Variants in TFPI observed in about 807,000 individuals in gnomAD.
The protein encoded by TFPI is anti-convertin.
A neutral mutation model predicts 34.6 loss-of-function variants in TFPI; 15 were observed. The ratio of observed to expected loss-of-function variants is 0.43; its 90% confidence interval spans 0.29 to 0.67. The LOEUF is 0.67. Ranked by LOEUF, TFPI falls within the 30% of genes least tolerant of loss-of-function variation. The pLI is 0.15. For synonymous variants in TFPI, 105 were observed against 120.1 expected, an observed-to-expected ratio of 0.87 and a Z score of 0.82; for missense variants, 301 against 364.0, an observed-to-expected ratio of 0.83 and a Z score of 1.41.
intron 4 of TFPI, among the ~76,000 whole-genome samples, chr2:187,485,465 G>C (rs1317667953): frequency 6.6e-6 from 1 of 151,664 alleles, no homozygotes; most frequent in Non-Finnish European, 1.5e-5. Flanking sequence ...TATTTGAGGG[G>C]TAGGAAGTTT....
At chr2:187,467,714 T>G (rs764144781) in intron 7 of TFPI, 39 bp downstream of exon 7, 1 of 1,489,296 alleles carries the variant, frequency 6.7e-7, no homozygotes, top group Non-Finnish European at 9.0e-7. Context: ...ATTGCTATCT[T>G]AAACACTAGT....
At chr2:187,517,062 G>A (rs1420995369) in intron 1 of TFPI, 1 of 152,208 alleles carries the variant, frequency 6.6e-6, no homozygotes, top group African/African-American at 2.4e-5. Context: ...AGTTTTGTCT[G>A]TGGCTCGTCC....
intron 3 of TFPI, 79 bp downstream of exon 3, chr2:187,496,802 T>C: frequency 7.8e-7 from 1 of 1,275,486 alleles, no homozygotes; most frequent in South Asian, 1.4e-5. Flanking sequence ...AAATTACTTT[T>C]CTCCCTAAAT....
At position 187,530,806 on chromosome 2, in the gene TFPI, A is replaced by G. The variant is rs940291600; in HGVS notation, c.-3+23394T>C. 3.3e-5 allele frequency among the ~76,000 whole-genome samples: 5 copies of G among 152,324 alleles called. No homozygotes were observed. The East Asian group carries it at 9.6e-4, about 29-fold the overall frequency. ...TATTTGTGAAATAAATCTTTTATGAATTAAAAATTCGGTAAAAATTGTTTT... is the reference window on the plus strand; with the variant it reads ...TATTTGTGAAATAAATCTTTTATGAGTTAAAAATTCGGTAAAAATTGTTTT... On this transcript the variant is annotated intron_variant, in intron 1 of 7. Coordinates refer to ENST00000233156, the MANE Select transcript of TFPI (RefSeq NM_006287.6).
At chr2:187,495,036 G>A (rs1685379670) in intron 3 of TFPI, among the ~76,000 whole-genome samples, 1 of 152,234 alleles carries the variant, frequency 6.6e-6, no homozygotes, top group Middle Eastern at 3.4e-3. Context: ...AGTGAATTTT[G>A]ATAGATAATG....
intron 1 of TFPI, among the ~76,000 whole-genome samples, chr2:187,505,318 C>G (rs899255991): frequency 2.6e-5 from 4 of 152,076 alleles, no homozygotes; most frequent in African/African-American, 9.7e-5. Context: ...AAATGGCAGC[C>G]TAGGGTATTG....
chr2:187,553,384 G>A (rs1689161690), intron 1 of TFPI, among the ~76,000 whole-genome samples: 2 of 151,782 alleles, frequency 1.3e-5, no homozygotes, highest in Admixed American at 6.6e-5. Context: ...TTCCCACATG[G>A]TAGTACTCTT....
At chr2:187,474,820 A>G (rs1692269425) in intron 6 of TFPI, among the ~76,000 whole-genome samples, 1 of 152,138 alleles carries the variant, frequency 6.6e-6, no homozygotes, top group Non-Finnish European at 1.5e-5. Flanking sequence ...GGTGGCTTTT[A>G]TTCATTGTGG....
chr2:187,504,790 A>G (rs1202226920), intron 1 of TFPI, among the ~76,000 whole-genome samples: 1 of 152,084 alleles, frequency 6.6e-6, no homozygotes, highest in Non-Finnish European at 1.5e-5. Context: ...AGGGACAGAT[A>G]CTCCATCAAA....
chr2:187,514,068 G>C (rs1053572103), intron 1 of TFPI: 2 of 152,146 alleles, frequency 1.3e-5, no homozygotes, highest in Non-Finnish European at 2.9e-5. Context: ...TGCCATAGTT[G>C]GTCCAACATT....
At chr2:187,510,352 T>C (rs1057143054) in intron 1 of TFPI, among the ~76,000 whole-genome samples, 2 of 152,190 alleles carry the variant, frequency 1.3e-5, no homozygotes, top group Admixed American at 1.3e-4. Context: ...CAATCAAAAT[T>C]AGCTTCAATT....
chr2:187,504,299 CATT>C (rs984035153), intron 1 of TFPI, among the ~76,000 whole-genome samples: 3 of 151,942 alleles, frequency 2.0e-5, no homozygotes, highest in Admixed American at 2.0e-4. Context: ...TTAAAAAATA[CATT>C]ATTTACATCA....
intron 1 of TFPI, chr2:187,515,712 C>T (rs1686956894): frequency 6.6e-6 from 1 of 152,160 alleles, no homozygotes; most frequent in Non-Finnish European, 1.5e-5. Context: ...CGTCAAGTCA[C>T]TGCGGTAGGA....
intron 2 of TFPI, among the ~76,000 whole-genome samples, chr2:187,499,283 C>G (rs1685694112): frequency 6.6e-6 from 1 of 151,882 alleles, no homozygotes; most frequent in East Asian, 1.9e-4. Context: ...ATTAGATACA[C>G]AAGTACTTTT....
At chr2:187,476,982 T>G in intron 6 of TFPI, among the ~76,000 whole-genome samples, 1 of 152,196 alleles carries the variant, frequency 6.6e-6, no homozygotes, top group East Asian at 1.9e-4. Context: ...GAAAGTTATT[T>G]TAAGTAATTT....
intron 1 of TFPI, among the ~76,000 whole-genome samples, chr2:187,525,509 TG>T (rs1255994083): frequency 6.6e-6 from 1 of 151,992 alleles, no homozygotes; most frequent in African/African-American, 2.4e-5. Flanking sequence ...GTTCGTTTAG[TG>T]GTTAAGAAGA....
At position 187,467,736 on chromosome 2, in the gene TFPI, A is replaced by G. The variant is rs778944098; in HGVS notation, c.808+17T>C. ...TCTTAAACACTAGTCAATTAATGGG[A>G]AGAGTATCTTCTATACCTTTTTTAC... is the stretch of plus-strand genomic sequence containing the variant. On this transcript the variant is annotated intron_variant, in intron 7 of 7. Coordinates refer to ENST00000233156, the MANE Select transcript of TFPI (RefSeq NM_006287.6). The G allele has an allele frequency of 1.0e-5, 16 of 1,555,562 alleles. No homozygotes were observed. Among genetic ancestry groups the G allele is most frequent in the Middle Eastern group, 1.7e-4 (1 of 5,804 alleles).
In TFPI at chr2:187,548,781, C is replaced by CAA. The variant is rs200197379; in HGVS notation, c.-3+5418_-3+5419insTT. Among the ~76,000 whole-genome samples the CAA allele has an allele frequency of 9.5e-3, 1,446 of 152,042 alleles. 26 individuals are homozygous for CAA. The highest frequency in any genetic ancestry group is 0.034 in the African/African-American group (1,405 of 41,476). The stretch of plus-strand genomic sequence containing the variant: ...AAAAAGCCTTGAAAAGAGTTTTATC[C>CAA]AGAGCTCACCACATATAGAAAAACA... On this transcript the variant is annotated intron_variant, in intron 1 of 7. Transcript: ENST00000233156.
At chr2:187,509,612 G>A (rs905031986) in intron 1 of TFPI, among the ~76,000 whole-genome samples, 1 of 152,056 alleles carries the variant, frequency 6.6e-6, no homozygotes, top group African/African-American at 2.4e-5. Flanking sequence ...TTCTCTGATG[G>A]TAGTCTATTT....
Sources: allele counts gnomAD v4.1 joint callset (sites outside exome capture counted in the v4.1 genomes callset), GRCh38; gene constraint gnomAD v4.1.1; transcripts MANE v1.5; gene names NCBI Gene and HGNC (gene_info 2026-07-23, HGNC 2026-07-21).